RPS6KC1: variants seen among roughly 807,000 people sequenced by gnomAD.
RPS6KC1 encodes ribosomal protein S6 kinase C1.
Under a neutral mutation model 103.8 loss-of-function variants are expected in RPS6KC1, and 54 were observed. That is an observed-to-expected ratio of 0.52 (90% CI 0.42 to 0.65). The LOEUF is 0.65. Ranked by LOEUF, RPS6KC1 falls within the 30% of genes least tolerant of loss-of-function variation. RPS6KC1 has a pLI of 0.00. For synonymous variants in RPS6KC1, 439 were observed against 438.7 expected (o/e 1.00, Z -0.01); for missense variants, 1,151 against 1,253.8 (o/e 0.92, Z 1.24).
the RPS6KC1 span, among the ~76,000 whole-genome samples, chr1:213,691,070 T>C: frequency 8.9e-4 from 135 of 152,268 alleles, no homozygotes; most frequent in Middle Eastern, 0.02. Flanking sequence ...CCATTTTCTT[T>C]TCTTACAAAC....
intron 4 of RPS6KC1, among the ~76,000 whole-genome samples, chr1:213,115,919 A>G (rs886674540): frequency 6.6e-5 from 10 of 152,146 alleles, no homozygotes; most frequent in African/African-American, 2.4e-4. Context: ...TCTGAGAGAT[A>G]TTTTGTTATA....
intron 8 of RPS6KC1, among the ~76,000 whole-genome samples, chr1:213,198,138 T>C (rs1488722721): frequency 6.6e-6 from 1 of 152,202 alleles, no homozygotes; most frequent in Non-Finnish European, 1.5e-5. Flanking sequence ...CTTGTAGTGC[T>C]GGCTTGGTAG....
chr1:213,584,547 T>C, the RPS6KC1 span, among the ~76,000 whole-genome samples: 2 of 152,186 alleles, frequency 1.3e-5, no homozygotes, highest in African/African-American at 4.8e-5. Flanking sequence ...CACCGAATGG[T>C]AGATAATTTT....
the RPS6KC1 span, among the ~76,000 whole-genome samples, chr1:213,740,160 C>T: frequency 6.6e-6 from 1 of 152,098 alleles, no homozygotes; most frequent in African/African-American, 2.4e-5. Context: ...TTGAGTATCA[C>T]AGTGGCCATA....
the RPS6KC1 span, among the ~76,000 whole-genome samples, chr1:213,540,266 C>A: frequency 1.3e-5 from 2 of 152,194 alleles, no homozygotes; most frequent in Non-Finnish European, 2.9e-5. Context: ...GCAAGGACTA[C>A]AGGCTATTCT....
the RPS6KC1 span, among the ~76,000 whole-genome samples, chr1:213,343,696 T>C: frequency 9.5e-3 from 1,446 of 151,784 alleles, 26 homozygotes; most frequent in African/African-American, 0.033. Context: ...GGGTATAATG[T>C]ACATTGCTTG....
intron 3 of RPS6KC1, among the ~76,000 whole-genome samples, chr1:213,096,555 C>G (rs2081472152): frequency 6.6e-6 from 1 of 151,998 alleles, no homozygotes; most frequent in African/African-American, 2.4e-5. Flanking sequence ...ATTCCAGCTA[C>G]TCGGGAGGCT....
At chr1:213,101,466 A>C (rs2082012854) in intron 3 of RPS6KC1, among the ~76,000 whole-genome samples, 1 of 152,216 alleles carries the variant, frequency 6.6e-6, no homozygotes. Flanking sequence ...GAATAGAAAC[A>C]ATAAATCAAT....
At chr1:213,421,726 G>T in the RPS6KC1 span, among the ~76,000 whole-genome samples, 1 of 152,188 alleles carries the variant, frequency 6.6e-6, no homozygotes, top group Non-Finnish European at 1.5e-5. Flanking sequence ...TGTGGTACCT[G>T]CTACGTGGTA....
At chr1:213,110,194 C>T (rs979110226) in intron 4 of RPS6KC1, among the ~76,000 whole-genome samples, 2 of 152,204 alleles carry the variant, frequency 1.3e-5, no homozygotes, top group Admixed American at 6.5e-5. Context: ...CCAAGTCCAA[C>T]ATCTTTGTTC....
At chr1:213,237,347 T>C (rs1284370799) in intron 10 of RPS6KC1, among the ~76,000 whole-genome samples, 1 of 152,092 alleles carries the variant, frequency 6.6e-6, no homozygotes, top group Non-Finnish European at 1.5e-5. Context: ...ATAATATTAA[T>C]TACCTACCTT....
the RPS6KC1 span, among the ~76,000 whole-genome samples, chr1:213,507,304 C>T: frequency 6.6e-6 from 1 of 152,130 alleles, no homozygotes; most frequent in African/African-American, 2.4e-5. Context: ...GGCACTCCTA[C>T]CTGAAAAGGG....
chr1:213,248,411 C>G (rs766726675), intron 12 of RPS6KC1, among the ~76,000 whole-genome samples: 10 of 152,064 alleles, frequency 6.6e-5, no homozygotes, highest in Non-Finnish European at 8.8e-5. Flanking sequence ...AGTCCTTTGC[C>G]CTCAGTTCTT....
intron 1 of RPS6KC1, among the ~76,000 whole-genome samples, chr1:213,068,669 T>C (rs1014534468): frequency 6.6e-6 from 1 of 151,916 alleles, no homozygotes; most frequent in Non-Finnish European, 1.5e-5. Context: ...TTATACTGAA[T>C]CTGTGTTGTC....
chr1:213,442,989 G>C, the RPS6KC1 span, among the ~76,000 whole-genome samples: 1 of 151,584 alleles, frequency 6.6e-6, no homozygotes, highest in Non-Finnish European at 1.5e-5. Flanking sequence ...TGCAACAAGA[G>C]CATTGGGGTG....
the RPS6KC1 span, among the ~76,000 whole-genome samples, chr1:213,535,098 C>A: frequency 6.6e-6 from 1 of 152,204 alleles, no homozygotes; most frequent in Non-Finnish European, 1.5e-5. Flanking sequence ...CAGCTTAGGT[C>A]AAGCAGGCTC....
the RPS6KC1 span, among the ~76,000 whole-genome samples, chr1:213,659,111 C>A: frequency 2.6e-5 from 4 of 152,134 alleles, no homozygotes; most frequent in Middle Eastern, 3.4e-3. Context: ...ATTACAGGTG[C>A]CTGCCATGAC....
chr1:213,765,274 C>A, the RPS6KC1 span, among the ~76,000 whole-genome samples: 1 of 152,170 alleles, frequency 6.6e-6, no homozygotes, highest in Non-Finnish European at 1.5e-5. Flanking sequence ...GAGATGGAGA[C>A]AGAACAATTC....
At chr1:213,487,615 G>C in the RPS6KC1 span, among the ~76,000 whole-genome samples, 1 of 152,002 alleles carries the variant, frequency 6.6e-6, no homozygotes, top group African/African-American at 2.4e-5. Flanking sequence ...GCCCTTACAG[G>C]GGGGCATAGT....
Sources: gnomAD v4.1 joint callset for allele counts (sites outside exome capture counted in the v4.1 genomes callset) on GRCh38, gnomAD v4.1.1 for gene constraint, MANE v1.5 for transcripts, NCBI Gene and HGNC (gene_info 2026-07-23, HGNC 2026-07-21) for gene names.